Variants in LRRC7 observed in about 807,000 individuals in gnomAD.
LRRC7 encodes the protein leucine rich repeat containing 7.
LRRC7 carries 23 observed loss-of-function variants against 175.7 expected under a neutral mutation model. The ratio of observed to expected loss-of-function variants is 0.13; its 90% confidence interval spans 0.09 to 0.19. The LOEUF (loss-of-function observed/expected upper bound fraction) is 0.19, where lower values mean the gene tolerates loss of function less well. Ranked by LOEUF, LRRC7 falls within the 10% of genes least tolerant of loss-of-function variation. The probability of loss-of-function intolerance (pLI) is 1.00; values close to 1 mark genes in which losing one functional copy is unlikely to be tolerated. For synonymous variants in LRRC7, 685 were observed against 680.9 expected (o/e 1.01, Z -0.09); for missense variants, 1,354 against 1,904.7 (o/e 0.71, Z 5.38).
At chr1:69,573,531 C>T (rs1026670113) in intron 1 of LRRC7, among the ~76,000 whole-genome samples, 4 of 152,010 alleles carry the variant, frequency 2.6e-5, no homozygotes, top group African/African-American at 9.7e-5. Flanking sequence ...TATAAAAGTA[C>T]ATTATGGAAG....
chr1:69,776,056 G>GA (rs1179236694), intron 3 of LRRC7, among the ~76,000 whole-genome samples: 1 of 152,142 alleles, frequency 6.6e-6, no homozygotes, highest in African/African-American at 2.4e-5. Flanking sequence ...CTGGGGTAGG[G>GA]AAAACCACTA....
chr1:70,044,144 T>C (rs747679369), intron 22 of LRRC7, 50 bp downstream of exon 22: 6 of 1,585,594 alleles, frequency 3.8e-6, no homozygotes, highest in African/African-American at 1.3e-5. Context: ...CCAATTAATG[T>C]TGTTTGTTCA....
At chr1:69,824,613 C>A (rs1679683852) in intron 4 of LRRC7, among the ~76,000 whole-genome samples, 1 of 152,070 alleles carries the variant, frequency 6.6e-6, no homozygotes, top group Non-Finnish European at 1.5e-5. Flanking sequence ...GGATAAGTGA[C>A]CTGTCCTGGA....
chr1:69,789,273 T>C (rs950325986), intron 3 of LRRC7, among the ~76,000 whole-genome samples: 1 of 152,106 alleles, frequency 6.6e-6, no homozygotes, highest in Admixed American at 6.5e-5. Flanking sequence ...TGAAACAATT[T>C]TATTGTTTTT....
intron 1 of LRRC7, among the ~76,000 whole-genome samples, chr1:69,630,202 G>A (rs2100370247): frequency 6.6e-6 from 1 of 151,994 alleles, no homozygotes. Flanking sequence ...TCTATTAATA[G>A]CAAACAACTT....
At chr1:69,949,448 T>C (rs1056828433) in intron 8 of LRRC7, among the ~76,000 whole-genome samples, 1 of 151,988 alleles carries the variant, frequency 6.6e-6, no homozygotes, top group Non-Finnish European at 1.5e-5. Context: ...TCCCAGCTAC[T>C]CCAGGGACTG....
intron 25 of LRRC7, among the ~76,000 whole-genome samples, chr1:70,090,492 C>T (rs1482401771): frequency 2.0e-5 from 3 of 152,088 alleles, no homozygotes; most frequent in South Asian, 2.1e-4. Flanking sequence ...TGCCTGACGC[C>T]GATGTGAACC....
At chr1:69,906,206 G>C (rs61030740) in intron 7 of LRRC7, among the ~76,000 whole-genome samples, 452 of 152,170 alleles carry the variant, frequency 3.0e-3, no homozygotes, top group African/African-American at 0.011. Flanking sequence ...CCATTTTGTG[G>C]GTTGCCTGTT....
At chr1:69,734,959 A>T (rs1287846581) in intron 2 of LRRC7, among the ~76,000 whole-genome samples, 1 of 151,888 alleles carries the variant, frequency 6.6e-6, no homozygotes, top group Non-Finnish European at 1.5e-5. Context: ...GAAACTGTCT[A>T]TAAAAAACTG....
intron 8 of LRRC7, among the ~76,000 whole-genome samples, chr1:69,965,833 A>T (rs1651612088): frequency 6.6e-6 from 1 of 152,186 alleles, no homozygotes; most frequent in African/African-American, 2.4e-5. Flanking sequence ...CAAAAGGTGA[A>T]CAATATTAGT....
rs181160214 is a variant in LRRC7 at position 69,626,730 on chromosome 1, C to T, written c.3-51651C>T. Among the ~76,000 whole-genome samples the T allele has an allele frequency of 3.3e-5, 4 of 121,546 alleles. No homozygotes were observed. In the East Asian group the frequency reaches 8.9e-4, roughly 27 times the overall value. 79.7% of individuals were successfully genotyped at this position (121,546 alleles called of 152,430 possible). Reference sequence around the variant, plus strand: ...CCCTCCCCCCTCCCCTCTCCTCCGCCCCCCCATGACAGGCCCCGGTGTGTG... The same window carrying T: ...CCCTCCCCCCTCCCCTCTCCTCCGCTCCCCCATGACAGGCCCCGGTGTGTG... On this transcript the variant is annotated intron_variant, in intron 1 of 26. Coordinates refer to ENST00000651989, the MANE Select transcript of LRRC7 (RefSeq NM_001370785.2).
At chr1:69,663,753 C>T (rs113530441) in intron 1 of LRRC7, among the ~76,000 whole-genome samples, 9,234 of 124,238 alleles carry the variant, frequency 0.074, 307 homozygotes, top group Admixed American at 0.12. Context: ...CTCGCTCTGT[C>T]GCCCAGGCCG....
In LRRC7 at chr1:70,132,316, A is replaced by G. The variant is rs1571400434; in HGVS notation, c.*10429A>G. ...GCATATTAGAAATATATTTAGTTTA[A>G]TTGCTATTCATTTCTAGAAACTATT... On this transcript the variant is annotated 3_prime_UTR_variant, in exon 27 of 27. Transcript: ENST00000651989. 1 of 152,178 alleles carries G rather than the reference A, an allele frequency of 6.6e-6. No homozygotes were observed. Among genetic ancestry groups the G allele is most frequent in the Non-Finnish European group, 1.5e-5 (1 of 68,044 alleles). 9.4% of individuals were successfully genotyped at this position (152,178 alleles called of 1,614,324 possible). A position where few individuals can be genotyped will look rare whatever the true frequency, so the allele number is the denominator to read the frequency against.
At chr1:69,934,494 C>CTG (rs1491327780) in intron 8 of LRRC7, among the ~76,000 whole-genome samples, 66 of 46,576 alleles carry the variant, frequency 1.4e-3, no homozygotes, top group Non-Finnish European at 2.2e-3. Flanking sequence ...GATATTTTGG[C>CTG]GGGGGGGGGG....
At chr1:69,572,338 C>A (rs1258126629) in intron 1 of LRRC7, among the ~76,000 whole-genome samples, 1 of 151,946 alleles carries the variant, frequency 6.6e-6, no homozygotes. Flanking sequence ...ATATTATATT[C>A]TGATGGAACA....
At chr1:69,907,144 C>A (rs1646343690) in intron 7 of LRRC7, among the ~76,000 whole-genome samples, 1 of 152,146 alleles carries the variant, frequency 6.6e-6, no homozygotes, top group African/African-American at 2.4e-5. Context: ...TGCTTCTCAG[C>A]TTAAGGAGAT....
At chr1:69,825,035 A>T (rs1207316737) in intron 4 of LRRC7, among the ~76,000 whole-genome samples, 3 of 152,152 alleles carry the variant, frequency 2.0e-5, no homozygotes, top group Admixed American at 2.0e-4. Context: ...TTTCAGTTTC[A>T]TAGAAAAATC....
chr1:70,120,952 C>G (rs1666173591), intron 26 of LRRC7, among the ~76,000 whole-genome samples: 1 of 152,016 alleles, frequency 6.6e-6, no homozygotes, highest in South Asian at 2.1e-4. Flanking sequence ...TCATTCCAAT[C>G]AAGACAATCT....
chr1:69,627,775 T>C (rs1179808181), intron 1 of LRRC7, among the ~76,000 whole-genome samples: 1 of 152,112 alleles, frequency 6.6e-6, no homozygotes. Flanking sequence ...TATATTATTC[T>C]CTTAATTTTT....
Sources: gnomAD v4.1 joint callset for allele counts (sites outside exome capture counted in the v4.1 genomes callset) on GRCh38, gnomAD v4.1.1 for gene constraint, MANE v1.5 for transcripts, NCBI Gene and HGNC (gene_info 2026-07-23, HGNC 2026-07-21) for gene names.